ARL6IP6: variants seen among roughly 807,000 people sequenced by gnomAD.
The protein encoded by ARL6IP6 is ARF like GTPase 6 interacting protein 6.
In ARL6IP6, 22 loss-of-function variants were observed where a neutral mutation model predicts 21.5. The ratio of observed to expected loss-of-function variants is 1.02; its 90% CI spans 0.73 to 1.46. The LOEUF is 1.46. Among genes scored for constraint, ARL6IP6 ranks in the 40% most tolerant of loss-of-function variants. ARL6IP6 has a pLI of 0.00. For synonymous variants in ARL6IP6, 164 were observed against 125.3 expected (o/e 1.31, Z -2.06); for missense variants, 388 against 299.8 (o/e 1.29, Z -2.17).
upstream of ARL6IP6, chr2:152,717,782 G>A (rs1699210880): frequency 3.3e-6 from 4 of 1,209,728 alleles, no homozygotes; most frequent in African/African-American, 1.6e-5. Flanking sequence ...GGGCAGTGGG[G>A]GTCTGCCACC....
At position 152,759,759 on chromosome 2, in the gene ARL6IP6, A is replaced by C; in HGVS notation, c.600A>C (p.Gly200=). Residue 200 remains glycine (G), a synonymous_variant, in exon 4 of 4, where the codon GGA becomes GGC. Coordinates refer to ENST00000326446, the MANE Select transcript of ARL6IP6 (RefSeq NM_152522.7). ...LSPARFKKLT[G]HSFHMGYSMA... ...TCTTTTTTTCTAGGAAACTGACTGG[A>C]CATTCTTTCCACATGGGCTATAGCA... The C allele has an allele frequency of 1.2e-6, 2 of 1,612,902 alleles. No individual in the cohort carries two copies. The highest frequency in any genetic ancestry group is 3.3e-4 in the Middle Eastern group (2 of 6,052).
At chr2:152,718,373 T>G (rs983064771), upstream of ARL6IP6, 19 of 434,026 alleles carry the variant, frequency 4.4e-5, no homozygotes, top group Non-Finnish European at 6.8e-5. Context: ...TCCGCTCGCT[T>G]CTCCCTGCGC....
chr2:152,730,935 C>T (rs1218090787), intron 2 of ARL6IP6, among the ~76,000 whole-genome samples: 1 of 152,196 alleles, frequency 6.6e-6, no homozygotes, highest in Non-Finnish European at 1.5e-5. Flanking sequence ...CATTTACACA[C>T]ATAAGTGCAA....
chr2:152,754,599 C>T (rs541707030), intron 3 of ARL6IP6, among the ~76,000 whole-genome samples: 88 of 152,228 alleles, frequency 5.8e-4, no homozygotes, highest in Non-Finnish European at 9.6e-4. Flanking sequence ...ATTGTTGGGT[C>T]ATATGTTAAC....
intron 3 of ARL6IP6, among the ~76,000 whole-genome samples, chr2:152,740,269 T>G (rs1470193693): frequency 1.3e-5 from 2 of 152,114 alleles, no homozygotes; most frequent in Non-Finnish European, 2.9e-5. Flanking sequence ...TCAAATAATT[T>G]TTTTATTTTT....
At position 152,761,422 on chromosome 2, in the gene ARL6IP6, G is replaced by C. The variant is rs1052342569; in HGVS notation, c.*1582G>C. ...ATTGCAAAGATGTACACAAGTAACAGAATCAATTTATCTTCTCTCCACCAC... is the reference window on the plus strand; with the variant it reads ...ATTGCAAAGATGTACACAAGTAACACAATCAATTTATCTTCTCTCCACCAC... On this transcript the variant is annotated 3_prime_UTR_variant, in exon 4 of 4. Transcript: ENST00000326446. 6.6e-6 allele frequency among the ~76,000 whole-genome samples: 1 copy of C among 152,076 alleles called. No individual in the cohort carries two copies. Among genetic ancestry groups the C allele is most frequent in the African/African-American group, 2.4e-5 (1 of 41,402 alleles).
At chr2:152,728,067 C>G (rs1003273746) in intron 2 of ARL6IP6, among the ~76,000 whole-genome samples, 24 of 151,870 alleles carry the variant, frequency 1.6e-4, no homozygotes, top group African/African-American at 5.8e-4. Flanking sequence ...GTTTTTTTCA[C>G]TGTTATAGGA....
chr2:152,719,286 C>T (rs1699572652), intron 1 of ARL6IP6, among the ~76,000 whole-genome samples: 1 of 152,132 alleles, frequency 6.6e-6, no homozygotes, highest in Non-Finnish European at 1.5e-5. Flanking sequence ...TCTTCAAGTC[C>T]TTGAACACTG....
At chr2:152,739,880 C>CA (rs1700729052) in intron 3 of ARL6IP6, among the ~76,000 whole-genome samples, 1 of 152,112 alleles carries the variant, frequency 6.6e-6, no homozygotes, top group Non-Finnish European at 1.5e-5. Context: ...TGGCAGCAGG[C>CA]AAGAGAGCAT....
intron 3 of ARL6IP6, among the ~76,000 whole-genome samples, chr2:152,738,493 G>A (rs747301443): frequency 4.6e-5 from 7 of 152,198 alleles, no homozygotes; most frequent in East Asian, 1.9e-4. Context: ...ACATCTAGGC[G>A]TTTCCATACA....
At chr2:152,718,096 G>A (rs138487635), upstream of ARL6IP6, 1 of 990,242 alleles carries the variant, frequency 1.0e-6, no homozygotes, top group Non-Finnish European at 1.2e-6. Flanking sequence ...GGGGTGAGCA[G>A]TTAAGGAACC....
rs569915812 is a variant in ARL6IP6, at chr2:152,749,332, C to T, written c.588-10415C>T. On this transcript the variant is annotated intron_variant, in intron 3 of 3. Coordinates refer to ENST00000326446, the MANE Select transcript of ARL6IP6 (RefSeq NM_152522.7). The stretch of plus-strand genomic sequence containing the variant: ...ACACAAAAACACACACACACACACA[C>T]ACACGCACGCACGCGAGAGAGACCT... 4.7e-3 allele frequency among the ~76,000 whole-genome samples: 718 copies of T among 151,650 alleles called. 7 individuals carry two copies. Among genetic ancestry groups the T allele is most frequent in the African/African-American group, 0.016 (677 of 41,342 alleles).
intron 3 of ARL6IP6, among the ~76,000 whole-genome samples, chr2:152,750,516 G>A (rs1365771786): frequency 6.6e-6 from 1 of 151,680 alleles, no homozygotes; most frequent in African/African-American, 2.4e-5. Context: ...AAGGAAGGGA[G>A]GGAGGGCGGA....
rs1159516565 is a variant in ARL6IP6 at position 152,719,072 on chromosome 2, A to G, written c.400+48A>G. 4 of 1,467,444 alleles carry G rather than the reference A, an allele frequency of 2.7e-6. No individual in the cohort carries two copies. In the African/African-American group the frequency reaches 4.3e-5, roughly 16 times the overall value. 90.9% of individuals were successfully genotyped at this position (1,467,444 alleles called of 1,614,324 possible). A position where few individuals can be genotyped will look rare whatever the true frequency, so the allele number is the denominator to read the frequency against. On this transcript the variant is annotated intron_variant, in intron 1 of 3. Coordinates refer to ENST00000326446, the MANE Select transcript of ARL6IP6 (RefSeq NM_152522.7). ...AGTCTGTCCAGAGTAAAGTTGAGCC[A>G]GGGTGTGGCTCTCGTCTCCACCCAT...
chr2:152,725,470 G>T (rs1442809775), intron 2 of ARL6IP6, among the ~76,000 whole-genome samples: 1 of 151,772 alleles, frequency 6.6e-6, no homozygotes, highest in East Asian at 1.9e-4. Context: ...ATACAAAGGT[G>T]ATTTGGAAAA....
intron 3 of ARL6IP6, among the ~76,000 whole-genome samples, chr2:152,752,876 C>T (rs1701403406): frequency 6.6e-6 from 1 of 152,114 alleles, no homozygotes; most frequent in Non-Finnish European, 1.5e-5. Context: ...GGTTCCCTGC[C>T]CTAGACCCAG....
intron 3 of ARL6IP6, among the ~76,000 whole-genome samples, chr2:152,742,805 C>A (rs1046933775): frequency 6.6e-6 from 1 of 152,002 alleles, no homozygotes; most frequent in Non-Finnish European, 1.5e-5. Flanking sequence ...CCTAAGCCAC[C>A]CATCTCGTAG....
intron 3 of ARL6IP6, among the ~76,000 whole-genome samples, chr2:152,741,284 T>C (rs17400980): frequency 0.13 from 19,328 of 152,146 alleles, 1,535 homozygotes; most frequent in Admixed American, 0.23. Context: ...ATTTTAAAAA[T>C]TGAAATTGGG....
intron 3 of ARL6IP6, among the ~76,000 whole-genome samples, chr2:152,745,451 G>C (rs754628023): frequency 8.5e-5 from 13 of 152,252 alleles, no homozygotes; most frequent in South Asian, 2.1e-4. Context: ...TAATATACGA[G>C]TGTTACAGGT....
Sources: gnomAD v4.1 joint callset for allele counts (sites outside exome capture counted in the v4.1 genomes callset) on GRCh38, gnomAD v4.1.1 for gene constraint, MANE v1.5 for transcripts, NCBI Gene and HGNC (gene_info 2026-07-23, HGNC 2026-07-21) for gene names.